The following FMN1 variants were observed in gnomAD, a reference collection of about 807,000 sequenced individuals.
FMN1 encodes formin 1.
In FMN1, 110 loss-of-function variants were observed where a neutral mutation model predicts 132.4. That is an observed-to-expected ratio of 0.83 (90% confidence interval 0.71 to 0.97). The LOEUF is 0.97. FMN1 is among the 50% of genes least tolerant of loss of function. FMN1 has a pLI of 0.00. For missense variants in FMN1, 1,792 were observed against 1,705.3 expected (o/e 1.05, Z -0.90); for synonymous variants, 722 against 651.7 (o/e 1.11, Z -1.64).
chr15:32,895,830 T>G (rs1418869266), intron 15 of FMN1, among the ~76,000 whole-genome samples: 1 of 152,164 alleles, frequency 6.6e-6, no homozygotes, highest in African/African-American at 2.4e-5. Flanking sequence ...TTTAAGTCAT[T>G]TTTGAGATAC....
chr15:32,804,245 C>A (rs753136639), intron 18 of FMN1, 36 bp downstream of exon 18: 1 of 1,487,694 alleles, frequency 6.7e-7, no homozygotes, highest in Non-Finnish European at 9.2e-7. Context: ...AATGGCTAGT[C>A]AAAGAAAGAA....
At chr15:33,192,533 C>A (rs1966114302) in intron 2 of FMN1, among the ~76,000 whole-genome samples, 1 of 152,226 alleles carries the variant, frequency 6.6e-6, no homozygotes, top group Admixed American at 6.5e-5. Context: ...GAAATCTTCT[C>A]TAAAGCTGCA....
At chr15:33,139,720 T>C (rs4779607) in intron 4 of FMN1, among the ~76,000 whole-genome samples, 66,895 of 152,122 alleles carry the variant, frequency 0.44, 15,943 homozygotes, top group South Asian at 0.55. Context: ...AAGGAGAGCA[T>C]CAAAATTCAA....
chr15:32,876,120 A>G (rs554277434), intron 16 of FMN1, among the ~76,000 whole-genome samples: 15 of 152,310 alleles, frequency 9.8e-5, no homozygotes, highest in African/African-American at 1.4e-4. Context: ...AATTAATGCT[A>G]TTTTCCAGTC....
intron 4 of FMN1, among the ~76,000 whole-genome samples, chr15:33,130,453 A>G (rs1963491497): frequency 6.6e-6 from 1 of 152,228 alleles, no homozygotes. Flanking sequence ...GTAGTTTATT[A>G]TAGCAAAGAT....
chr15:33,072,600 T>A (rs562768571), intron 5 of FMN1, among the ~76,000 whole-genome samples: 1 of 152,136 alleles, frequency 6.6e-6, no homozygotes, highest in Non-Finnish European at 1.5e-5. Context: ...AGATTGAAGG[T>A]GGAGCCAATT....
At chr15:32,963,756 G>C (rs929285951) in intron 9 of FMN1, among the ~76,000 whole-genome samples, 2 of 151,976 alleles carry the variant, frequency 1.3e-5, no homozygotes, top group African/African-American at 2.4e-5. Context: ...AGAATTAATG[G>C]CTGAAAAAGT....
At chr15:32,863,389 G>C (rs1462322979) in intron 16 of FMN1, among the ~76,000 whole-genome samples, 4 of 152,140 alleles carry the variant, frequency 2.6e-5, no homozygotes, top group Admixed American at 2.6e-4. Flanking sequence ...AGCCGAGATT[G>C]TGCCACTGCA....
intron 17 of FMN1, among the ~76,000 whole-genome samples, chr15:32,836,138 G>C (rs2058620010): frequency 6.6e-6 from 1 of 152,122 alleles, no homozygotes; most frequent in East Asian, 1.9e-4. Context: ...TGAGATTACA[G>C]GTGTGAGCGA....
In FMN1 at chr15:32,767,422, T is replaced by C. The variant is rs992056824; in HGVS notation, c.*6888A>G. 7.2e-5 allele frequency: 11 copies of C among 152,184 alleles called. No homozygotes were observed. The highest frequency in any genetic ancestry group is 2.7e-4 in the African/African-American group (11 of 41,454). The allele number at this position is 152,184 out of a possible 1,614,324, so 9.4% of individuals were successfully genotyped here. On this transcript the variant is annotated 3_prime_UTR_variant, in exon 21 of 21. Coordinates refer to ENST00000616417, the MANE Select transcript of FMN1 (RefSeq NM_001277313.2). Reference sequence around the variant, plus strand: ...AGGATGTTGACTGCCTTCACTCAGGTTCTAGGCATGCAGGCCAGTGCTTAT... The same window carrying C: ...AGGATGTTGACTGCCTTCACTCAGGCTCTAGGCATGCAGGCCAGTGCTTAT...
intron 7 of FMN1, among the ~76,000 whole-genome samples, chr15:32,976,890 G>C (rs2032252619): frequency 6.6e-6 from 1 of 152,204 alleles, no homozygotes; most frequent in Non-Finnish European, 1.5e-5. Context: ...AACATGGCGT[G>C]AGTGTTCCAG....
chr15:33,060,758 C>T (rs2037444966), intron 6 of FMN1, among the ~76,000 whole-genome samples: 1 of 152,160 alleles, frequency 6.6e-6, no homozygotes, highest in Non-Finnish European at 1.5e-5. Flanking sequence ...GAGAGAGAAA[C>T]CACATATGCA....
chr15:32,806,191 ATAAG>A (rs1443461596), intron 17 of FMN1, among the ~76,000 whole-genome samples: 4 of 152,236 alleles, frequency 2.6e-5, no homozygotes, highest in Non-Finnish European at 4.4e-5. Context: ...ATGAACGAAA[ATAAG>A]TAAGTCTCGT....
At chr15:33,069,993 C>CTTTTTTTGTTTTT in intron 5 of FMN1, among the ~76,000 whole-genome samples, 1 of 74,292 alleles carries the variant, frequency 1.3e-5, no homozygotes, top group Non-Finnish European at 2.5e-5. Flanking sequence ...CAGTCTTTCT[C>CTTTTTTTGTTTTT]TTTTTTTTTT....
At chr15:32,951,536 G>T (rs1327440401) in intron 9 of FMN1, among the ~76,000 whole-genome samples, 3 of 152,160 alleles carry the variant, frequency 2.0e-5, no homozygotes, top group Non-Finnish European at 4.4e-5. Flanking sequence ...AATGAGAGAT[G>T]AGGCTTCTGG....
Position 33,087,282 on chromosome 15 carries a change from C to G in FMN1, c.2043+1517G>C, listed in dbSNP as rs376697973. Among the ~76,000 whole-genome samples the G allele has an allele frequency of 2.8e-4, 43 of 152,308 alleles. 1 individual carries two copies. The South Asian group carries it at 8.9e-3, about 32-fold the overall frequency. On this transcript the variant is annotated intron_variant, in intron 5 of 20. Transcript: ENST00000616417. The stretch of plus-strand genomic sequence containing the variant: ...GAGAAGGTAGCTGGATGTGGTGGCT[C>G]ACGCCTGTAATCCAGCACTTTGGGA...
chr15:32,854,417 T>C (rs1438235240), intron 17 of FMN1, among the ~76,000 whole-genome samples: 5 of 152,262 alleles, frequency 3.3e-5, no homozygotes, highest in Admixed American at 3.3e-4. Context: ...TGGGAATGTT[T>C]AAGATTCCTA....
chr15:32,932,849 C>T (rs1354704395), intron 9 of FMN1, among the ~76,000 whole-genome samples: 1 of 151,958 alleles, frequency 6.6e-6, no homozygotes, highest in Non-Finnish European at 1.5e-5. Context: ...AATGTCTTCT[C>T]TCTCATTTTG....
At chr15:32,793,005 G>T (rs189703787) in intron 19 of FMN1, among the ~76,000 whole-genome samples, 137 of 152,264 alleles carry the variant, frequency 9.0e-4, no homozygotes, top group Admixed American at 1.9e-3. Flanking sequence ...TATCCTTACT[G>T]AGACAGGAAG....
Sources: allele counts gnomAD v4.1 joint callset (sites outside exome capture counted in the v4.1 genomes callset), GRCh38; gene constraint gnomAD v4.1.1; transcripts MANE v1.5; gene names NCBI Gene and HGNC (gene_info 2026-07-23, HGNC 2026-07-21).